DENND2B: variants seen among roughly 807,000 people sequenced by gnomAD.
DENND2B encodes the protein DENN domain-containing protein 2B.
Under a neutral mutation model 116.0 loss-of-function variants are expected in DENND2B, and 32 were observed. That is an observed-to-expected ratio of 0.28 (90% CI 0.21 to 0.37). DENND2B has a LOEUF of 0.37. Among genes scored for constraint, DENND2B ranks in the 10% least tolerant of loss-of-function variants. The probability of loss-of-function intolerance (pLI) is 1.00; values close to 1 mark genes in which losing one functional copy is unlikely to be tolerated. For synonymous variants in DENND2B, 588 were observed against 583.9 expected, an observed-to-expected ratio of 1.01 and a Z score of -0.10; for missense variants, 1,276 against 1,477.7, an observed-to-expected ratio of 0.86 and a Z score of 2.24.
At chr11:8,803,503 T>C (rs967478612) in intron 1 of DENND2B, among the ~76,000 whole-genome samples, 7 of 152,120 alleles carry the variant, frequency 4.6e-5, no homozygotes, top group African/African-American at 1.7e-4. Context: ...CCCAGCAAAT[T>C]AGAGACAGAA....
At chr11:8,851,530 G>A (rs2063007557) in intron 3 of DENND2B, among the ~76,000 whole-genome samples, 1 of 152,040 alleles carries the variant, frequency 6.6e-6, no homozygotes, top group African/African-American at 2.4e-5. Flanking sequence ...AGGCACTCTC[G>A]CTCACGCTAG....
At chr11:8,695,697 A>T in intron 18 of DENND2B, 148 bp from the exon 19 acceptor site, 2 of 695,406 alleles carry the variant, frequency 2.9e-6, no homozygotes, top group South Asian at 3.6e-5. Flanking sequence ...TCTTACTAGA[A>T]TTCGGGCTGG....
In DENND2B at chr11:8,898,044, G is replaced by A. The variant is rs781463707; in HGVS notation, c.-256+12777C>T. 7.3e-4 allele frequency among the ~76,000 whole-genome samples: 111 copies of A among 152,150 alleles called. 1 individual carries two copies. Among genetic ancestry groups the A allele is most frequent in the Non-Finnish European group, 1.3e-3 (91 of 68,026 alleles). On this transcript the variant is annotated intron_variant, in intron 1 of 22. Coordinates refer to the DENND2B transcript ENST00000534127. Reference sequence around the variant, plus strand: ...CTGTCATGGCCTCCTAAAGCACTGGGATTATAGGCATAAGCCATAGCCACA... The same window carrying A: ...CTGTCATGGCCTCCTAAAGCACTGGAATTATAGGCATAAGCCATAGCCACA...
chr11:8,831,835 G>A (rs1180403365), intron 4 of DENND2B: 1 of 152,184 alleles, frequency 6.6e-6, no homozygotes, highest in East Asian at 1.9e-4. Context: ...TCTGCTTGCA[G>A]GAGCTGATGA....
chr11:8,735,260 A>G (rs943285359), intron 2 of DENND2B, among the ~76,000 whole-genome samples: 3 of 152,192 alleles, frequency 2.0e-5, no homozygotes, highest in African/African-American at 7.2e-5. Flanking sequence ...AAGCCAGTCT[A>G]GTCTTTTAGA....
intron 3 of DENND2B, among the ~76,000 whole-genome samples, chr11:8,840,860 T>C (rs1445615335): frequency 6.6e-6 from 1 of 152,170 alleles, no homozygotes; most frequent in East Asian, 1.9e-4. Context: ...CTAAGAACTG[T>C]TCTCACTCCC....
intron 1 of DENND2B, among the ~76,000 whole-genome samples, chr11:8,788,683 A>G (rs1350877531): frequency 6.6e-6 from 1 of 152,150 alleles, no homozygotes; most frequent in Non-Finnish European, 1.5e-5. Context: ...TTAGCTCACA[A>G]CTGATTCCCT....
chr11:8,901,860 A>G (rs1188190093), intron 1 of DENND2B, among the ~76,000 whole-genome samples: 1 of 152,096 alleles, frequency 6.6e-6, no homozygotes, highest in Non-Finnish European at 1.5e-5. Flanking sequence ...ATTCATTGAG[A>G]CTTGTTTTAT....
intron 2 of DENND2B, among the ~76,000 whole-genome samples, chr11:8,866,493 A>G (rs2063586297): frequency 6.6e-6 from 1 of 152,206 alleles, no homozygotes; most frequent in African/African-American, 2.4e-5. Context: ...ATACCAAATG[A>G]TCCCCAACCA....
chr11:8,695,565 A>C lies in DENND2B; in HGVS notation c.3293-16T>G, dbSNP rs201751730. On this transcript the variant is annotated splice_polypyrimidine_tract_variant and intron_variant, in intron 18 of 19. Transcript: ENST00000313726. ...TCAAAAAGGCCTGGGTAAAAGAAAC[A>C]GGCACAGGGAAGAGAACAGTCATTG... The C allele has an allele frequency of 1.2e-6, 2 of 1,612,286 alleles. No homozygotes were observed. The highest frequency in any genetic ancestry group is 1.7e-6 in the Non-Finnish European group (2 of 1,178,834).
chr11:8,714,019 C>T lies in DENND2B; in HGVS notation c.1966G>A (p.Asp656Asn), dbSNP rs1343901588. Residue 656 changes from aspartate (D) to asparagine (N), a missense_variant, in exon 8 of 20, where the codon GAC becomes AAC. Asp to Asn is a conservative substitution (Grantham distance 23, BLOSUM62 1). Transcript: ENST00000313726. The part of the protein sequence containing the change: ...LRDENSESES[D>N]SDDRFKAHTQ... ...TCACCTTTGAACCTGTCATCAGAGT[C>T]GCTCTCGCTCTCACTGTTTTCATCT... is the stretch of plus-strand genomic sequence containing the variant. 4 of 1,614,118 alleles carry T rather than the reference C, an allele frequency of 2.5e-6. No homozygotes were observed. Among genetic ancestry groups the T allele is most frequent in the Non-Finnish European group, 3.4e-6 (4 of 1,180,050 alleles).
intron 3 of DENND2B, among the ~76,000 whole-genome samples, chr11:8,844,485 C>G (rs2062736081): frequency 6.6e-6 from 1 of 152,038 alleles, no homozygotes; most frequent in African/African-American, 2.4e-5. Context: ...TCTAAATGAT[C>G]CAATGGACTC....
In DENND2B at chr11:8,714,016, AG is replaced by A. The variant is rs1300058485; in HGVS notation, c.1968del (p.Ser657LeufsTer19). The A allele has an allele frequency of 6.2e-7, 1 of 1,614,126 alleles. No individual in the cohort carries two copies. ...LRDENSESES[D>X]SDDRFKAHTQ... is the part of the protein sequence containing the mutation. ...GCCTCACCTTTGAACCTGTCATCAG[AG>A]TCGCTCTCGCTCTCACTGTTTTCAT... On this transcript the variant is annotated frameshift_variant, in exon 8 of 20. Transcript: ENST00000313726. LOFTEE classifies it high-confidence loss of function.
chr11:8,867,731 T>TGCC (rs2063634698), intron 2 of DENND2B, among the ~76,000 whole-genome samples: 1 of 151,768 alleles, frequency 6.6e-6, no homozygotes, highest in East Asian at 1.9e-4. Context: ...CACAGGCACA[T>TGCC]GCCAACATGC....
rs71059191 is a variant in DENND2B, at chr11:8,877,100, C to CTTT, written c.-156+3907_-156+3909dup. ...TCCTTCTCTCATGGGCTTGAAGATA[C>CTTT]TTTTTTTTTTTTTTTTTTTTTGAGA... On this transcript the variant is annotated intron_variant, in intron 2 of 22. Coordinates refer to the DENND2B transcript ENST00000534127. Among the ~76,000 whole-genome samples, 394 of 93,016 alleles carry CTTT rather than the reference C, an allele frequency of 4.2e-3. 3 individuals are homozygous for CTTT. Among genetic ancestry groups the CTTT allele is most frequent in the Non-Finnish European group, 5.0e-3 (262 of 52,468 alleles). 61.0% of individuals were successfully genotyped at this position (93,016 alleles called of 152,430 possible).
chr11:8,751,555 C>T (rs747238880), intron 1 of DENND2B, among the ~76,000 whole-genome samples: 4 of 151,968 alleles, frequency 2.6e-5, no homozygotes, highest in Non-Finnish European at 5.9e-5. Flanking sequence ...CCTGAGCCAG[C>T]GAGACCACGA....
At chr11:8,853,106 G>A (rs1481911807) in intron 3 of DENND2B, among the ~76,000 whole-genome samples, 1 of 152,174 alleles carries the variant, frequency 6.6e-6, no homozygotes, top group East Asian at 1.9e-4. Flanking sequence ...GCTCACGCCT[G>A]TAATCCCAGC....
chr11:8,765,018 G>A (rs1026316302), intron 1 of DENND2B, among the ~76,000 whole-genome samples: 2 of 151,344 alleles, frequency 1.3e-5, no homozygotes, highest in African/African-American at 4.9e-5. Flanking sequence ...CTAAATTCTG[G>A]TTGTCAAAAT....
intron 3 of DENND2B, among the ~76,000 whole-genome samples, chr11:8,854,261 G>C (rs2134656732): frequency 6.6e-6 from 1 of 152,044 alleles, no homozygotes; most frequent in East Asian, 1.9e-4. Context: ...GAGTGCAACA[G>C]CACAATCTCA....
Sources: allele counts gnomAD v4.1 joint callset (sites outside exome capture counted in the v4.1 genomes callset), GRCh38; gene constraint gnomAD v4.1.1; transcripts MANE v1.5; gene names NCBI Gene and HGNC (gene_info 2026-07-23, HGNC 2026-07-21).